Variants in ANKIB1 observed in about 807,000 individuals in gnomAD.
The protein encoded by ANKIB1 is ankyrin repeat and IBR domain-containing protein 1.
ANKIB1 carries 43 observed loss-of-function variants against 122.1 expected under a neutral mutation model. The ratio of observed to expected loss-of-function variants is 0.35; its 90% CI spans 0.28 to 0.45. ANKIB1 has a LOEUF of 0.45. Among genes scored for constraint, ANKIB1 ranks in the 20% least tolerant of loss-of-function variants. ANKIB1 has a pLI of 1.00. For missense variants in ANKIB1, 992 were observed against 1,329.5 expected (o/e 0.75, Z 3.95); for synonymous variants, 390 against 442.0 (o/e 0.88, Z 1.48).
At chr7:92,325,681 G>T (rs577307156) in intron 4 of ANKIB1, among the ~76,000 whole-genome samples, 1 of 151,286 alleles carries the variant, frequency 6.6e-6, no homozygotes, top group South Asian at 2.1e-4. Context: ...ATAGGGAGGG[G>T]AGGCTATTTT....
At chr7:92,298,545 C>T (rs955376112) in intron 2 of ANKIB1, among the ~76,000 whole-genome samples, 3 of 151,858 alleles carry the variant, frequency 2.0e-5, no homozygotes, top group Non-Finnish European at 4.4e-5. Flanking sequence ...AAAATGTGTT[C>T]TGAGGACTCC....
At chr7:92,247,497 G>A (rs1336096430) in intron 1 of ANKIB1, among the ~76,000 whole-genome samples, 1 of 152,164 alleles carries the variant, frequency 6.6e-6, no homozygotes, top group East Asian at 1.9e-4. Flanking sequence ...GCCACTCACA[G>A]ATGTTACACA....
At chr7:92,255,314 C>T (rs12670516) in intron 1 of ANKIB1, among the ~76,000 whole-genome samples, 15,480 of 152,178 alleles carry the variant, frequency 0.1, 984 homozygotes, top group East Asian at 0.36. Context: ...TCATGTTCAG[C>T]GGCCACAGAA....
chr7:92,389,140 AAAAC>A (rs938632666), intron 14 of ANKIB1, among the ~76,000 whole-genome samples: 7 of 152,160 alleles, frequency 4.6e-5, no homozygotes, highest in Admixed American at 1.3e-4. Flanking sequence ...TTAGGGGAAA[AAAAC>A]AAAAAGATAC....
At chr7:92,253,164 C>T (rs1801366388) in intron 1 of ANKIB1, among the ~76,000 whole-genome samples, 1 of 152,196 alleles carries the variant, frequency 6.6e-6, no homozygotes, top group South Asian at 2.1e-4. Flanking sequence ...TCCAGCACCC[C>T]AGGGTTTTTC....
In ANKIB1 at chr7:92,392,305, T is replaced by TG; in HGVS notation, c.2283+17dup. ...TGCATCACCAGAGGTAATTGTTTTA[T>TG]GGGGTTTTTGTTTTTGTATTTTTTC... is the stretch of plus-strand genomic sequence containing the variant. On this transcript the variant is annotated intron_variant, in intron 17 of 19. Transcript: ENST00000265742. 1.9e-6 allele frequency: 3 copies of TG among 1,608,954 alleles called. No homozygotes were observed. Among genetic ancestry groups the TG allele is most frequent in the South Asian group, 2.2e-5 (2 of 90,176 alleles).
At chr7:92,336,525 G>A (rs2131967448) in intron 5 of ANKIB1, among the ~76,000 whole-genome samples, 1 of 152,104 alleles carries the variant, frequency 6.6e-6, no homozygotes, top group Middle Eastern at 3.4e-3. Flanking sequence ...CTAGTAATTT[G>A]GAATTGGATC....
intron 5 of ANKIB1, among the ~76,000 whole-genome samples, chr7:92,337,836 A>G (rs763296878): frequency 9.9e-5 from 15 of 152,202 alleles, no homozygotes; most frequent in African/African-American, 1.4e-4. Flanking sequence ...ATAGTTATTT[A>G]TTGAAATCTA....
At chr7:92,254,540 C>A (rs1246499610) in intron 1 of ANKIB1, among the ~76,000 whole-genome samples, 1 of 152,052 alleles carries the variant, frequency 6.6e-6, no homozygotes, top group African/African-American at 2.4e-5. Flanking sequence ...AAAAAAGTTT[C>A]CTATGGTGCA....
chr7:92,308,444 A>C (rs973119257), intron 3 of ANKIB1, among the ~76,000 whole-genome samples: 1 of 152,112 alleles, frequency 6.6e-6, no homozygotes. Flanking sequence ...CCTATAGTTT[A>C]TGTAGAATTG....
At chr7:92,387,378 T>TA (rs1443291339) in intron 12 of ANKIB1, among the ~76,000 whole-genome samples, 1 of 152,150 alleles carries the variant, frequency 6.6e-6, no homozygotes, top group East Asian at 1.9e-4. Context: ...CTCATGCTTT[T>TA]AATCCCAGCA....
At chr7:92,397,561 A>G (rs534965777) in intron 18 of ANKIB1, among the ~76,000 whole-genome samples, 162 bp from the exon 19 acceptor site, 8 of 152,148 alleles carry the variant, frequency 5.3e-5, no homozygotes, top group African/African-American at 1.7e-4. Flanking sequence ...TGGTAAGACA[A>G]ATATGGATGA....
At chr7:92,329,630 C>T (rs954044471) in intron 5 of ANKIB1, among the ~76,000 whole-genome samples, 4 of 152,198 alleles carry the variant, frequency 2.6e-5, no homozygotes, top group Non-Finnish European at 5.9e-5. Context: ...ATGATCACAG[C>T]TGGACTCATC....
intron 9 of ANKIB1, among the ~76,000 whole-genome samples, chr7:92,358,871 A>T (rs1221630943): frequency 6.6e-6 from 1 of 152,110 alleles, no homozygotes; most frequent in Non-Finnish European, 1.5e-5. Context: ...TTAAAAAATG[A>T]GTCATGAGAA....
chr7:92,314,864 A>T (rs1027827949), intron 3 of ANKIB1, among the ~76,000 whole-genome samples: 1 of 152,178 alleles, frequency 6.6e-6, no homozygotes, highest in Non-Finnish European at 1.5e-5. Flanking sequence ...TAGAAGATTA[A>T]TGCGCTAATT....
rs144754235 is a variant in ANKIB1 at position 92,355,208 on chromosome 7, A to G, written c.1397+2566A>G. On this transcript the variant is annotated intron_variant, in intron 9 of 19. Coordinates refer to ENST00000265742, the MANE Select transcript of ANKIB1 (RefSeq NM_019004.2). ...ATCTGGGAAAAATTATCTCAAGACA[A>G]TATTCAAAACTTAGATGGGTTCTGA... 6.0e-4 allele frequency among the ~76,000 whole-genome samples: 92 copies of G among 152,270 alleles called. 1 individual carries two copies. Among genetic ancestry groups the G allele is most frequent in the African/African-American group, 1.8e-3 (76 of 41,558 alleles).
In ANKIB1 at chr7:92,396,272, AC is replaced by A. The variant is rs1187592396; in HGVS notation, c.2284-92del. ...TTATAAGATGTGTATAAAATCACAA[AC>A]TTTTTCCCCTGGAAAAAAGTGTGTA... On this transcript the variant is annotated intron_variant, in intron 17 of 19. Transcript: ENST00000265742. The A allele has an allele frequency of 5.4e-6, 4 of 736,916 alleles. No homozygotes were observed. In the East Asian group the frequency reaches 1.1e-4, roughly 20 times the overall value. The allele number at this position is 736,916 out of a possible 1,614,324, so 45.6% of individuals were successfully genotyped here.
intron 6 of ANKIB1, among the ~76,000 whole-genome samples, chr7:92,344,196 T>TG (rs1306836272): frequency 1.7e-5 from 1 of 58,682 alleles, no homozygotes; most frequent in Non-Finnish European, 4.1e-5. Flanking sequence ...GTTTTTGGTT[T>TG]TTTTTTTTTT....
At chr7:92,350,853 T>A in intron 7 of ANKIB1, 97 bp from the exon 8 acceptor site, 1 of 1,234,366 alleles carries the variant, frequency 8.1e-7, no homozygotes, top group Non-Finnish European at 1.1e-6. Context: ...TGAGACCCTG[T>A]CTCTAAAAAA....
Sources: gnomAD v4.1 joint callset for allele counts (sites outside exome capture counted in the v4.1 genomes callset) on GRCh38, gnomAD v4.1.1 for gene constraint, MANE v1.5 for transcripts, NCBI Gene and HGNC (gene_info 2026-07-23, HGNC 2026-07-21) for gene names.